Variants in CCP110 observed in about 807,000 individuals in gnomAD.
The protein encoded by CCP110 is centriolar coiled-coil protein of 110 kDa.
CCP110 carries 43 observed loss-of-function variants against 105.5 expected under a neutral mutation model. The ratio of observed to expected loss-of-function variants is 0.41; its 90% CI spans 0.32 to 0.53. The LOEUF (loss-of-function observed/expected upper bound fraction) is 0.53. Among genes scored for constraint, CCP110 ranks in the 20% least tolerant of loss-of-function variants. The pLI is 0.32. For missense variants in CCP110, 1,016 were observed against 1,189.1 expected (o/e 0.85, Z 2.14); for synonymous variants, 353 against 392.1 (o/e 0.90, Z 1.18).
At chr16:19,543,296 T>C (rs1970351801) in intron 8 of CCP110, among the ~76,000 whole-genome samples, 1 of 152,228 alleles carries the variant, frequency 6.6e-6, no homozygotes, top group East Asian at 1.9e-4. Flanking sequence ...TGAACATAAA[T>C]TGTGAAGATT....
chr16:19,524,239 G>A (rs1009191635), intron 1 of CCP110, among the ~76,000 whole-genome samples, 151 bp downstream of exon 1: 1 of 152,180 alleles, frequency 6.6e-6, no homozygotes, highest in Non-Finnish European at 1.5e-5. Flanking sequence ...GCTGTTGGGA[G>A]GCGGGACCCC....
At chr16:19,537,094 T>C (rs1970094340) in exon 4 of CCP110, 18 of 1,614,214 alleles carry the variant, frequency 1.1e-5, no homozygotes, top group Non-Finnish European at 1.4e-5. Flanking sequence ...AAGTTACTCA[T>C]GGACTTGTTA....
At chr16:19,545,978 TAAAG>T (rs909349350) in intron 11 of CCP110, 88 bp downstream of exon 11, 17 of 768,858 alleles carry the variant, frequency 2.2e-5, no homozygotes, top group African/African-American at 3.5e-5. Flanking sequence ...AATTTAGAAA[TAAAG>T]AGTTAATTTT....
chr16:19,534,909 C>T (rs8048122), intron 3 of CCP110, among the ~76,000 whole-genome samples: 6,589 of 133,746 alleles, frequency 0.049, 190 homozygotes, highest in African/African-American at 0.083. Flanking sequence ...GAGATGGAGT[C>T]GCGCTCTGTC....
intron 4 of CCP110, among the ~76,000 whole-genome samples, chr16:19,539,703 T>G (rs1970209422): frequency 6.6e-6 from 1 of 151,820 alleles, no homozygotes; most frequent in South Asian, 2.1e-4. Context: ...CACTGTTACC[T>G]GGGGAGCCAA....
intron 12 of CCP110, chr16:19,547,661 G>A (rs1970507920): frequency 4.2e-6 from 1 of 238,260 alleles, no homozygotes; most frequent in Non-Finnish European, 8.0e-6. Flanking sequence ...GAAGGGAAAA[G>A]TTAGCTTTTG....
intron 10 of CCP110, among the ~76,000 whole-genome samples, chr16:19,545,546 C>T (rs1391845395): frequency 1.3e-5 from 2 of 151,976 alleles, no homozygotes; most frequent in African/African-American, 4.8e-5. Flanking sequence ...AGAAAACAGG[C>T]TCCAAGTTAA....
At chr16:19,539,028 G>C (rs1401764542) in intron 4 of CCP110, among the ~76,000 whole-genome samples, 1 of 151,442 alleles carries the variant, frequency 6.6e-6, no homozygotes, top group Non-Finnish European at 1.5e-5. Context: ...AGGAGAATTG[G>C]ATGAACCCAG....
chr16:19,551,166 GAAGT>G (rs1422692744), intron 14 of CCP110, 26 bp from the exon 14 acceptor site: 2 of 1,420,824 alleles, frequency 1.4e-6, no homozygotes, highest in South Asian at 2.3e-5. Flanking sequence ...CTCCCATTGA[GAAGT>G]AATACTGGTT....
rs544825863 is a variant in CCP110, at chr16:19,549,464, G to A, written c.2986+864G>A. On this transcript the variant is annotated intron_variant, in intron 14 of 14. Transcript: ENST00000381396. ...ATTAGGAGGGAACAAGCTATTGGTC[G>A]TAACTTTGAAATGATGGCTGACCTT... Among the ~76,000 whole-genome samples, 48 of 152,296 alleles carry A rather than the reference G, an allele frequency of 3.2e-4. No individual in the cohort carries two copies. The South Asian group carries it at 5.8e-3, about 18-fold the overall frequency.
intron 9 of CCP110, 89 bp downstream of exon 9, chr16:19,544,987 A>G: frequency 7.0e-6 from 7 of 993,842 alleles, no homozygotes; most frequent in Non-Finnish European, 9.3e-6. Context: ...GTTTCAATGA[A>G]AACTATTTTA....
chr16:19,538,782 A>G (rs1396441346), intron 4 of CCP110, among the ~76,000 whole-genome samples: 1 of 152,100 alleles, frequency 6.6e-6, no homozygotes, highest in Non-Finnish European at 1.5e-5. Context: ...TTATTAGACA[A>G]AGTATCAGAA....
intron 1 of CCP110, chr16:19,526,230 A>G (rs933551048): frequency 6.6e-6 from 1 of 152,252 alleles, no homozygotes; most frequent in Non-Finnish European, 1.5e-5. Flanking sequence ...CCATAAAAGT[A>G]TTATATTTCC....
intron 10 of CCP110, 78 bp downstream of exon 10, chr16:19,545,288 T>C (rs1417404596): frequency 1.5e-6 from 1 of 666,288 alleles, no homozygotes; most frequent in Non-Finnish European, 2.6e-6. Flanking sequence ...TTTGGTTGAC[T>C]TCAGCACCCT....
chr16:19,536,237 A>C lies in CCP110; in HGVS notation c.568A>C (p.Thr190Pro), dbSNP rs1265911341. The C allele has an allele frequency of 5.0e-6, 8 of 1,613,950 alleles. 1 individual carries two copies. In the South Asian group the frequency reaches 7.7e-5, roughly 16 times the overall value. The stretch of plus-strand genomic sequence containing the variant: ...TGTAGAAAATGAAGCTTTTCCAAAG[A>C]CCTCTTCAGCAACCCCACAAGAAAC... The change falls in exon 4 of 15, where the codon ACC becomes CCC. Residue 190 changes from threonine to proline, a missense_variant. Coordinates refer to ENST00000381396, the Ensembl canonical transcript of CCP110.
intron 11 of CCP110, 183 bp downstream of exon 11, chr16:19,546,073 A>G: frequency 1.8e-6 from 1 of 554,328 alleles, no homozygotes; most frequent in Non-Finnish European, 3.2e-6. Context: ...TTCATCTTAG[A>G]TGAATTTATT....
chr16:19,528,157 G>A, intron 2 of CCP110, 135 bp downstream of exon 2: 1 of 704,142 alleles, frequency 1.4e-6, no homozygotes, highest in Non-Finnish European at 2.2e-6. Flanking sequence ...AAATGAATTA[G>A]CATTTTTTAC....
At chr16:19,541,580 C>A (rs917062056) in intron 5 of CCP110, among the ~76,000 whole-genome samples, 44 of 151,216 alleles carry the variant, frequency 2.9e-4, no homozygotes, top group African/African-American at 1.0e-3. Context: ...GAACCGAGAT[C>A]GTGCCACTGC....
At chr16:19,528,159 A>C (rs1424261509) in intron 2 of CCP110, 137 bp downstream of exon 2, 1 of 687,520 alleles carries the variant, frequency 1.5e-6, no homozygotes, top group East Asian at 3.0e-5. Context: ...ATGAATTAGC[A>C]TTTTTTACTT....
Sources: allele counts gnomAD v4.1 joint callset (sites outside exome capture counted in the v4.1 genomes callset), GRCh38; gene constraint gnomAD v4.1.1; transcripts MANE v1.5; gene names NCBI Gene and HGNC (gene_info 2026-07-23, HGNC 2026-07-21).